ERCC1: variants seen among roughly 807,000 people sequenced by gnomAD.
ERCC1 encodes DNA excision repair protein ERCC-1.
A neutral mutation model predicts 37.6 loss-of-function variants in ERCC1; 36 were observed. The ratio of observed to expected loss-of-function variants is 0.96; its 90% CI spans 0.73 to 1.26. The LOEUF (loss-of-function observed/expected upper bound fraction) is 1.26. Ranked by LOEUF, ERCC1 falls within the 50% of genes most tolerant of loss-of-function variation. The pLI is 0.00. For synonymous variants in ERCC1, 156 were observed against 162.1 expected, an observed-to-expected ratio of 0.96 and a Z score of 0.28; for missense variants, 349 against 376.5, an observed-to-expected ratio of 0.93 and a Z score of 0.60.
chr19:45,420,392 C>T lies in ERCC1; in HGVS notation c.357G>A (p.Val119=), dbSNP rs1241190376. The T allele has an allele frequency of 6.2e-7, 1 of 1,613,770 alleles. No homozygotes were observed. Among genetic ancestry groups the T allele is most frequent in the East Asian group, 2.2e-5 (1 of 44,872 alleles). Reference sequence around the variant, plus strand: ...GAATTACGTCGCCAAATTCCCAGGGCACATTGCGCACGAACTTCAGTACGG... The same window carrying T: ...GAATTACGTCGCCAAATTCCCAGGGTACATTGCGCACGAACTTCAGTACGG... ...GNPVLKFVRN[V]PWEFGDVIPD... Residue 119 remains valine (V), a synonymous_variant, in exon 4 of 10, where the codon GTG becomes GTA. Transcript: ENST00000300853. This position sits in a 1 kb window ranked among gnomAD's most constrained non-coding sequence, Gnocchi z 4.8.
chr19:45,425,642 T>G (rs1974669861), upstream of ERCC1, among the ~76,000 whole-genome samples: 1 of 152,116 alleles, frequency 6.6e-6, no homozygotes, highest in African/African-American at 2.4e-5. Flanking sequence ...AGTGCTGGGA[T>G]TACAAGCATG....
chr19:45,425,841 A>AT (rs1974675984), upstream of ERCC1, among the ~76,000 whole-genome samples: 1 of 152,096 alleles, frequency 6.6e-6, no homozygotes, highest in Admixed American at 6.6e-5. Flanking sequence ...ATGTTCATTG[A>AT]TCTTTTTATT....
At chr19:45,440,431 C>CCTGCGGG (rs527389396) in intron 1 of ERCC1, among the ~76,000 whole-genome samples, 1 of 152,118 alleles carries the variant, frequency 6.6e-6, no homozygotes, top group African/African-American at 2.4e-5. Context: ...AGTCAGGAGA[C>CCTGCGGG]CTGCGGGCTG....
At chr19:45,428,129 A>G (rs28586606), upstream of ERCC1, among the ~76,000 whole-genome samples, 14,007 of 136,298 alleles carry the variant, frequency 0.1, 2,400 homozygotes, top group African/African-American at 0.37. Context: ...TGTCACCCAG[A>G]CTAGAGTGCG....
chr19:45,420,298 G>C lies in ERCC1; in HGVS notation c.425+26C>G, dbSNP rs1001565080. 6.6e-7 allele frequency: 1 copy of C among 1,504,656 alleles called. No homozygotes were observed. The highest frequency in any genetic ancestry group is 9.2e-7 in the Non-Finnish European group (1 of 1,086,450). 93.2% of individuals were successfully genotyped at this position (1,504,656 alleles called of 1,614,324 possible). Reference sequence around the variant, plus strand: ...AGGCCAGTGGGGTGCCCTTCCTGAAGTCTGGGGTGGCGCCGCAGAGCTCAC... The same window carrying C: ...AGGCCAGTGGGGTGCCCTTCCTGAACTCTGGGGTGGCGCCGCAGAGCTCAC... On this transcript the variant is annotated intron_variant, in intron 4 of 9. Coordinates refer to ENST00000300853, the MANE Select transcript of ERCC1 (RefSeq NM_001983.4). This position sits in a 1 kb window ranked among gnomAD's most constrained non-coding sequence, Gnocchi z 4.8.
At chr19:45,411,814 T>C (rs1973754579) in intron 9 of ERCC1, among the ~76,000 whole-genome samples, 1 of 150,976 alleles carries the variant, frequency 6.6e-6, no homozygotes, top group African/African-American at 2.4e-5. Context: ...AATAAGCCAT[T>C]TTAATAGAGC....
At chr19:45,414,827 G>A (rs375846954) in intron 7 of ERCC1, 34 bp downstream of exon 7, 1 of 1,468,670 alleles carries the variant, frequency 6.8e-7, no homozygotes, top group African/African-American at 1.4e-5. Context: ...CTGCGGGGAG[G>A]CCCAGGCAGG....
At chr19:45,434,155 C>CA (rs138387403) in intron 1 of ERCC1, among the ~76,000 whole-genome samples, 5,244 of 97,448 alleles carry the variant, frequency 0.054, 532 homozygotes, top group African/African-American at 0.12. Context: ...CACACACACA[C>CA]AAAAAAAAAA....
rs778552962 is a variant in ERCC1 at position 45,409,543 on chromosome 19, G to A, written c.*132C>T. On this transcript the variant is annotated 3_prime_UTR_variant, in exon 10 of 10. Transcript: ENST00000300853. The stretch of plus-strand genomic sequence containing the variant: ...TGAGGAACTAAAGAAAGCTGAAGGT[G>A]CCCACCTGGGCCACCAGAAGGTGAC... 1 of 1,574,336 alleles carries A rather than the reference G, an allele frequency of 6.4e-7. No individual in the cohort carries two copies. Among genetic ancestry groups the A allele is most frequent in the South Asian group, 1.2e-5 (1 of 86,904 alleles).
rs1974595014 is a variant in ERCC1 at position 45,423,873 on chromosome 19, C to T, written c.-100G>A. 9.0e-7 allele frequency: 1 copy of T among 1,106,304 alleles called. No homozygotes were observed. Among genetic ancestry groups the T allele is most frequent in the Non-Finnish European group, 1.1e-6 (1 of 901,716 alleles). The allele number at this position is 1,106,304 out of a possible 1,614,324, so 68.5% of individuals were successfully genotyped here. A position where few individuals can be genotyped will look rare whatever the true frequency, so the allele number is the denominator to read the frequency against. ...AAGACTGCAGAGGGATCGAGGCGGCCCACTGCCAGCACGGCCAGCGTGGCC... is the reference window on the plus strand; with the variant it reads ...AAGACTGCAGAGGGATCGAGGCGGCTCACTGCCAGCACGGCCAGCGTGGCC... On this transcript the variant is annotated 5_prime_UTR_variant, in exon 1 of 10. Transcript: ENST00000300853.
intron 1 of ERCC1, among the ~76,000 whole-genome samples, chr19:45,448,127 C>T (rs1967005428): frequency 6.6e-6 from 1 of 152,204 alleles, no homozygotes. Context: ...CCACCTCGGC[C>T]TCCCAAAGTG....
At chr19:45,444,541 C>CAGA (rs1433095033) in intron 1 of ERCC1, among the ~76,000 whole-genome samples, 1 of 152,196 alleles carries the variant, frequency 6.6e-6, no homozygotes, top group Non-Finnish European at 1.5e-5. Context: ...GCCAAACCCT[C>CAGA]GGCCTTGGCC....
chr19:45,420,740 G>C lies in ERCC1; in HGVS notation c.322-313C>G, dbSNP rs2045117947. Among the ~76,000 whole-genome samples the C allele has an allele frequency of 6.6e-6, 1 of 152,074 alleles. No homozygotes were observed. Among genetic ancestry groups the C allele is most frequent in the Admixed American group, 6.6e-5 (1 of 15,242 alleles). ...GCTCAGCCCTCTCCCTCCAGCCCCA[G>C]TCTGCGTGTCCTGTGGTCCTGAACA... On this transcript the variant is annotated intron_variant, in intron 3 of 9. Transcript: ENST00000300853. The surrounding 1 kb of genome is among the most constrained non-coding windows in gnomAD (Gnocchi z 4.8).
intron 1 of ERCC1, 36 bp downstream of exon 1, chr19:45,423,745 G>T: frequency 8.7e-7 from 1 of 1,155,176 alleles, no homozygotes; most frequent in Non-Finnish European, 1.1e-6. Context: ...GGCTTCCGCG[G>T]CGCCAATCTC....
chr19:45,430,519 G>C (rs1198452958), intron 1 of ERCC1, among the ~76,000 whole-genome samples: 1 of 152,126 alleles, frequency 6.6e-6, no homozygotes, highest in African/African-American at 2.4e-5. Context: ...ACATACATCT[G>C]GGTCCTGTGG....
In ERCC1 at chr19:45,409,163, C is replaced by A. The variant is rs533843222; in HGVS notation, c.*512G>T. The A allele has an allele frequency of 8.0e-5, 129 of 1,613,482 alleles. No homozygotes were observed. Among genetic ancestry groups the A allele is most frequent in the Middle Eastern group, 5.0e-4 (3 of 6,058 alleles). ...AAAACAGCAAGATGCCACAGTGGAG[C>A]CAGAGACAGAGGTGGTGGGGCCTGA... is the stretch of plus-strand genomic sequence containing the variant. On this transcript the variant is annotated 3_prime_UTR_variant, in exon 10 of 10. Transcript: ENST00000300853.
rs1204912994 is a variant in ERCC1 at position 45,414,646 on chromosome 19, C to T, written c.702+215G>A. On this transcript the variant is annotated intron_variant, in intron 7 of 9. Coordinates refer to ENST00000300853, the MANE Select transcript of ERCC1 (RefSeq NM_001983.4). ...CTGGTGAGAAGTCTGGGCTTTCTCTCGGGGTACTGGGGAGCCATGGGAGGA... is the reference window on the plus strand; with the variant it reads ...CTGGTGAGAAGTCTGGGCTTTCTCTTGGGGTACTGGGGAGCCATGGGAGGA... 15 of 523,758 alleles carry T rather than the reference C, an allele frequency of 2.9e-5. 1 individual carries two copies. Among genetic ancestry groups the T allele is most frequent in the Middle Eastern group, 5.4e-4 (1 of 1,844 alleles). 32.4% of individuals were successfully genotyped at this position (523,758 alleles called of 1,614,324 possible).
chr19:45,423,347 C>A lies in ERCC1; in HGVS notation c.28G>T (p.Val10Leu), dbSNP rs768998834. The A allele has an allele frequency of 6.2e-7, 1 of 1,613,506 alleles. No homozygotes were observed. Among genetic ancestry groups the A allele is most frequent in the African/African-American group, 1.3e-5 (1 of 75,016 alleles). ...GCTGGCGGCCCTGAGGGCTGGGGCA[C>A]CCCCTCTTTGTCCTTCCCAGGGTCC... MDPGKDKEG[V>L]PQPSGPPARK... The change falls in exon 2 of 10, where the codon GTG becomes TTG. Residue 10 changes from valine to leucine, a missense_variant. Transcript: ENST00000300853.
chr19:45,444,853 C>A (rs1038136395), intron 1 of ERCC1, among the ~76,000 whole-genome samples: 4 of 152,182 alleles, frequency 2.6e-5, no homozygotes, highest in African/African-American at 9.7e-5. Context: ...CGAGGGACTT[C>A]CCCTCTCTGA....
Sources: gnomAD v4.1 joint callset for allele counts (sites outside exome capture counted in the v4.1 genomes callset) on GRCh38, gnomAD v4.1.1 for gene constraint, Gnocchi (gnomAD v3.1) non-coding constraint, MANE v1.5 for transcripts, NCBI Gene and HGNC (gene_info 2026-07-23, HGNC 2026-07-21) for gene names.